The following COL4A6 variants were observed in gnomAD, a reference collection of about 807,000 sequenced individuals.
COL4A6 encodes the protein collagen alpha-6(IV) chain.
In COL4A6, 59 loss-of-function variants were observed where a neutral mutation model predicts 126.7. The observed-to-expected ratio is 0.47, with a 90% confidence interval of 0.38 to 0.58. The LOEUF (loss-of-function observed/expected upper bound fraction) is 0.58. Ranked by LOEUF, COL4A6 falls within the 20% of genes least tolerant of loss-of-function variation. COL4A6 has a pLI of 0.00. For missense variants in COL4A6, 1,285 were observed against 1,337.3 expected, an observed-to-expected ratio of 0.96 and a Z score of 0.61; for synonymous variants, 547 against 496.6, an observed-to-expected ratio of 1.10 and a Z score of -1.35.
At chrX:108,280,195 G>A (rs2037760430) in intron 3 of COL4A6, among the ~76,000 whole-genome samples, 1 of 111,320 alleles carries the variant, frequency 9.0e-6, no homozygotes, top group Non-Finnish European at 1.9e-5. Flanking sequence ...AAAAATTAAC[G>A]AATCCAAGAG....
At chrX:108,343,976 G>A (rs1032851802) in intron 2 of COL4A6, among the ~76,000 whole-genome samples, 1 of 110,629 alleles carries the variant, frequency 9.0e-6, no homozygotes, top group Non-Finnish European at 1.9e-5. Context: ...CAAGTGGTAG[G>A]GATAAAATAA....
At chrX:108,435,203 T>C (rs1039928054) in intron 2 of COL4A6, among the ~76,000 whole-genome samples, 5 of 111,718 alleles carry the variant, frequency 4.5e-5, no homozygotes, top group African/African-American at 9.8e-5. Context: ...CCCTAGGCTT[T>C]TGACTTTAAG....
In COL4A6 at chrX:108,159,054, G is replaced by A. The variant is rs182913256; in HGVS notation, c.4812+408C>T. On this transcript the variant is annotated intron_variant, in intron 44 of 44. Transcript: ENST00000334504. ...GCAGAGGCCAGAGGGATCTGGGAGG[G>A]TGGAGAGAAGAGGGGACAGTGCCAT... 3.7e-3 allele frequency among the ~76,000 whole-genome samples: 417 copies of A among 111,630 alleles called. 1 individual carries two copies. Among genetic ancestry groups the A allele is most frequent in the Non-Finnish European group, 6.0e-3 (320 of 53,049 alleles).
At chrX:108,357,781 C>G (rs1251643183) in intron 2 of COL4A6, among the ~76,000 whole-genome samples, 1 of 110,592 alleles carries the variant, frequency 9.0e-6, no homozygotes, top group African/African-American at 3.3e-5. Context: ...ATAACTCCAA[C>G]TTGACACTTC....
In COL4A6 at chrX:108,377,328, A is replaced by G. The variant is rs748492042; in HGVS notation, c.63+60614T>C. ...TTTACACTGAGACATTCCATTGCCC[A>G]CGGATGAGCAGGAGACAGATGCCTT... On this transcript the variant is annotated intron_variant, in intron 2 of 44. Coordinates refer to ENST00000334504, the MANE Select transcript of COL4A6 (RefSeq NM_033641.4). 9.7e-4 allele frequency among the ~76,000 whole-genome samples: 108 copies of G among 110,930 alleles called. 4 individuals are homozygous for G. The East Asian group carries it at 0.03, about 30-fold the overall frequency.
intron 2 of COL4A6, among the ~76,000 whole-genome samples, chrX:108,312,373 C>G (rs945427339): frequency 1.8e-5 from 2 of 112,189 alleles, no homozygotes; most frequent in Non-Finnish European, 3.8e-5. Flanking sequence ...CAAACACCTT[C>G]CTTATACGTT....
intron 2 of COL4A6, among the ~76,000 whole-genome samples, chrX:108,397,369 A>C (rs1483970165): frequency 1.8e-5 from 2 of 111,260 alleles, no homozygotes; most frequent in Admixed American, 1.9e-4. Context: ...CTTAACAATC[A>C]ACAATTGTTA....
At chrX:108,405,087 A>G (rs1650239427) in intron 2 of COL4A6, among the ~76,000 whole-genome samples, 1 of 112,202 alleles carries the variant, frequency 8.9e-6, no homozygotes, top group Non-Finnish European at 1.9e-5. Context: ...CATGAGTGAA[A>G]GACTGCTCAG....
At chrX:108,394,313 A>G (rs1019783042) in intron 2 of COL4A6, among the ~76,000 whole-genome samples, 1 of 110,367 alleles carries the variant, frequency 9.1e-6, no homozygotes, top group Non-Finnish European at 1.9e-5. Context: ...ATTAGGAGAA[A>G]TACCTAATGC....
chrX:108,335,826 A>T (rs2039419560), intron 2 of COL4A6, among the ~76,000 whole-genome samples: 1 of 110,973 alleles, frequency 9.0e-6, no homozygotes, highest in African/African-American at 3.3e-5. Context: ...TTTGAATAAG[A>T]CTACTACAGG....
chrX:108,344,580 A>G (rs1406700339), intron 2 of COL4A6, among the ~76,000 whole-genome samples: 1 of 111,774 alleles, frequency 8.9e-6, no homozygotes, highest in Non-Finnish European at 1.9e-5. Context: ...ATTTTTTTTG[A>G]GCAATTTAAG....
chrX:108,208,176 T>C lies in COL4A6; in HGVS notation c.547-1596A>G, dbSNP rs183024208. On this transcript the variant is annotated intron_variant, in intron 8 of 44. Transcript: ENST00000334504. Reference sequence around the variant, plus strand: ...CATAATAGCAGAGCTTCAAATTACATGAAGCAAAAACTAACAGAACTTCAA... The same window carrying C: ...CATAATAGCAGAGCTTCAAATTACACGAAGCAAAAACTAACAGAACTTCAA... 3.5e-3 allele frequency among the ~76,000 whole-genome samples: 393 copies of C among 111,783 alleles called. 2 individuals are homozygous for C. The highest frequency in any genetic ancestry group is 0.012 in the African/African-American group (370 of 30,857).
Position 108,216,443 on chromosome X carries a change from A to G in COL4A6, c.325-2215T>C, listed in dbSNP as rs774902111. The stretch of plus-strand genomic sequence containing the variant: ...AGAGTCATTGTCAGCATTAAAAGTG[A>G]ATAATGCCTATTCCACTGGGTTATG... On this transcript the variant is annotated intron_variant, in intron 5 of 44. Coordinates refer to ENST00000334504, the MANE Select transcript of COL4A6 (RefSeq NM_033641.4). Among the ~76,000 whole-genome samples, 6 of 112,236 alleles carry G rather than the reference A, an allele frequency of 5.3e-5. No individual in the cohort carries two copies. The Admixed American group carries it at 5.7e-4, about 11-fold the overall frequency.
At chrX:108,352,533 C>A (rs2039869051) in intron 2 of COL4A6, among the ~76,000 whole-genome samples, 1 of 112,108 alleles carries the variant, frequency 8.9e-6, no homozygotes, top group African/African-American at 3.2e-5. Flanking sequence ...TAAATATTAT[C>A]TCATTTAATC....
chrX:108,280,536 T>A (rs900687805), intron 3 of COL4A6, among the ~76,000 whole-genome samples: 7 of 111,663 alleles, frequency 6.3e-5, no homozygotes, highest in African/African-American at 2.3e-4. Flanking sequence ...CAGGACCAGA[T>A]AGATTCACAG....
chrX:108,378,227 A>G (rs2040487163), intron 2 of COL4A6, among the ~76,000 whole-genome samples: 2 of 111,556 alleles, frequency 1.8e-5, no homozygotes, highest in East Asian at 2.8e-4. Flanking sequence ...AGTGAGCATC[A>G]GTAACTTTAT....
rs757115604 is a variant in COL4A6, at chrX:108,298,845, G to C, written c.144+11903C>G. On this transcript the variant is annotated intron_variant, in intron 3 of 44. Transcript: ENST00000334504. ...TGAAGGAGGAGGAAGAGGGAGAGACGGGCTTCTATTCTGCTCTCAGAGCTC... is the reference window on the plus strand; with the variant it reads ...TGAAGGAGGAGGAAGAGGGAGAGACCGGCTTCTATTCTGCTCTCAGAGCTC... Among the ~76,000 whole-genome samples the C allele has an allele frequency of 1.3e-4, 14 of 110,219 alleles. No homozygotes were observed. In the East Asian group the frequency reaches 4.0e-3, roughly 32 times the overall value.
chrX:108,353,346 C>T (rs2039887156), intron 2 of COL4A6, among the ~76,000 whole-genome samples: 1 of 112,445 alleles, frequency 8.9e-6, no homozygotes, highest in Non-Finnish European at 1.9e-5. Flanking sequence ...TCTTAGCTAG[C>T]CTTGCAAGAT....
chrX:108,180,444 T>TACAC lies in COL4A6; in HGVS notation c.2131+67_2131+70dup, dbSNP rs4036314. On this transcript the variant is annotated intron_variant, in intron 25 of 44. Coordinates refer to ENST00000334504, the MANE Select transcript of COL4A6 (RefSeq NM_033641.4). Reference sequence around the variant, plus strand: ...TGGCAGAGGACTACCACAACCCAAATACACACACACACACACACACACACA... The same window carrying TACAC: ...TGGCAGAGGACTACCACAACCCAAATACACACACACACACACACACACACACACA... The TACAC allele has an allele frequency of 5.1e-6, 4 of 779,069 alleles. No homozygotes were observed. In the African/African-American group the frequency reaches 6.8e-5, roughly 13 times the overall value. The allele number at this position is 779,069 out of a possible 1,213,427, so 64.2% of individuals were successfully genotyped here.
Sources: gnomAD v4.1 joint callset for allele counts (sites outside exome capture counted in the v4.1 genomes callset) on GRCh38, gnomAD v4.1.1 for gene constraint, MANE v1.5 for transcripts, NCBI Gene and HGNC (gene_info 2026-07-23, HGNC 2026-07-21) for gene names.